SLC24A2: variants seen among roughly 807,000 people sequenced by gnomAD.
SLC24A2 encodes solute carrier family 24 member 2, also known as sodium/potassium/calcium exchanger 2.
In SLC24A2, 36 loss-of-function variants were observed where a neutral mutation model predicts 62.0. The ratio of observed to expected loss-of-function variants is 0.58; its 90% CI spans 0.44 to 0.77. SLC24A2 has a LOEUF of 0.77. Among genes scored for constraint, SLC24A2 ranks in the 30% least tolerant of loss-of-function variants. The pLI, the probability that SLC24A2 is intolerant of heterozygous loss-of-function variation, is 0.00. For missense variants in SLC24A2, 846 were observed against 817.9 expected (o/e 1.03, Z -0.42); for synonymous variants, 358 against 294.0 (o/e 1.22, Z -2.23).
At chr9:19,775,724 T>C (rs1822827075) in intron 2 of SLC24A2, among the ~76,000 whole-genome samples, 1 of 152,188 alleles carries the variant, frequency 6.6e-6, no homozygotes, top group African/African-American at 2.4e-5. Context: ...AAGACACCTT[T>C]GCGGAATTAA....
chr9:19,846,221 G>A, the SLC24A2 span, among the ~76,000 whole-genome samples: 7 of 152,146 alleles, frequency 4.6e-5, no homozygotes, highest in Non-Finnish European at 7.3e-5. Flanking sequence ...TTGTGTGGCT[G>A]TCAAAATCTT....
chr9:19,756,681 T>C (rs73432053), intron 2 of SLC24A2, among the ~76,000 whole-genome samples: 10,110 of 152,172 alleles, frequency 0.066, 464 homozygotes, highest in African/African-American at 0.12. Context: ...AGTTCCAGAT[T>C]ATTCTGGAGC....
chr9:20,284,227 T>C, the SLC24A2 span, among the ~76,000 whole-genome samples: 8 of 152,174 alleles, frequency 5.3e-5, no homozygotes, highest in Non-Finnish European at 1.2e-4. Flanking sequence ...AAATCACTGG[T>C]GATCCTCACA....
intron 5 of SLC24A2, 90 bp from the exon 6 acceptor site, chr9:19,577,112 T>G (rs1836041193): frequency 2.0e-6 from 2 of 975,624 alleles, no homozygotes; most frequent in South Asian, 2.6e-5. Context: ...TCAGTCACGC[T>G]GCACTAATAG....
chr9:19,973,973 A>C, the SLC24A2 span, among the ~76,000 whole-genome samples: 4 of 152,170 alleles, frequency 2.6e-5, no homozygotes, highest in African/African-American at 9.6e-5. Flanking sequence ...TCATACACTG[A>C]AACTTGTTTC....
the SLC24A2 span, among the ~76,000 whole-genome samples, chr9:20,089,551 C>T: frequency 6.6e-6 from 1 of 152,064 alleles, no homozygotes; most frequent in African/African-American, 2.4e-5. Flanking sequence ...TGGGAACCCC[C>T]ACTCCCAATC....
At chr9:19,605,778 T>A (rs182107062) in intron 4 of SLC24A2, among the ~76,000 whole-genome samples, 1 of 152,328 alleles carries the variant, frequency 6.6e-6, no homozygotes, top group Non-Finnish European at 1.5e-5. Flanking sequence ...TAGCATTCCA[T>A]TGAATACACT....
the SLC24A2 span, among the ~76,000 whole-genome samples, chr9:19,989,450 A>T: frequency 6.6e-6 from 1 of 152,218 alleles, no homozygotes; most frequent in Non-Finnish European, 1.5e-5. Context: ...TTTGATGATC[A>T]TCATAAAGAA....
the SLC24A2 span, among the ~76,000 whole-genome samples, chr9:20,169,347 T>C: frequency 3.9e-4 from 60 of 151,994 alleles, no homozygotes; most frequent in Admixed American, 3.4e-3. Flanking sequence ...CCTCGTGTCA[T>C]GAACTTTTGC....
the SLC24A2 span, among the ~76,000 whole-genome samples, chr9:20,031,091 T>C: frequency 6.6e-6 from 1 of 151,832 alleles, no homozygotes; most frequent in Non-Finnish European, 1.5e-5. Flanking sequence ...GAGATATGGA[T>C]ATAGATATAT....
chr9:20,214,036 GA>G, the SLC24A2 span, among the ~76,000 whole-genome samples: 1 of 152,126 alleles, frequency 6.6e-6, no homozygotes, highest in Non-Finnish European at 1.5e-5. Context: ...GTGAGTGGCA[GA>G]ATTTTCTTTT....
chr9:19,836,359 G>T, the SLC24A2 span, among the ~76,000 whole-genome samples: 1 of 151,742 alleles, frequency 6.6e-6, no homozygotes, highest in African/African-American at 2.4e-5. Flanking sequence ...AAAGAGAGAA[G>T]AATTAAACAG....
At chr9:20,250,466 A>T in the SLC24A2 span, among the ~76,000 whole-genome samples, 1 of 152,214 alleles carries the variant, frequency 6.6e-6, no homozygotes, top group African/African-American at 2.4e-5. Flanking sequence ...AGGAGCCATA[A>T]CCACTTGATC....
chr9:20,265,276 T>A, the SLC24A2 span, among the ~76,000 whole-genome samples: 2 of 152,148 alleles, frequency 1.3e-5, no homozygotes, highest in Admixed American at 6.5e-5. Context: ...TCCATGGGCC[T>A]GGGTTGACTG....
chr9:20,011,249 C>T, the SLC24A2 span, among the ~76,000 whole-genome samples: 3 of 152,296 alleles, frequency 2.0e-5, no homozygotes, highest in African/African-American at 7.2e-5. Context: ...GTTCCCATTT[C>T]TCCACATCCT....
At chr9:19,607,199 A>AAAG (rs1476326735) in intron 4 of SLC24A2, among the ~76,000 whole-genome samples, 1 of 152,200 alleles carries the variant, frequency 6.6e-6, no homozygotes, top group African/African-American at 2.4e-5. Flanking sequence ...TTGGTAAATG[A>AAAG]AAGTGCTTCT....
At chr9:20,230,146 AG>A in the SLC24A2 span, among the ~76,000 whole-genome samples, 1 of 152,096 alleles carries the variant, frequency 6.6e-6, no homozygotes, top group Non-Finnish European at 1.5e-5. Flanking sequence ...TTGGACATTT[AG>A]GCTAGTTCCA....
the SLC24A2 span, among the ~76,000 whole-genome samples, chr9:19,874,560 T>G: frequency 6.6e-6 from 1 of 152,224 alleles, no homozygotes. Context: ...CAAATATGCA[T>G]GCCTTTGACC....
chr9:20,031,461 G>GATTTTTTTTTAT, the SLC24A2 span, among the ~76,000 whole-genome samples: 3 of 150,220 alleles, frequency 2.0e-5, no homozygotes, highest in African/African-American at 7.3e-5. Flanking sequence ...ATGGTGCATT[G>GATTTTTTTTTAT]AAATGCTAAG....
Sources: allele counts gnomAD v4.1 joint callset (sites outside exome capture counted in the v4.1 genomes callset), GRCh38; gene constraint gnomAD v4.1.1; transcripts MANE v1.5; gene names NCBI Gene and HGNC (gene_info 2026-07-23, HGNC 2026-07-21).